Variants in MALRD1 observed in about 807,000 individuals in gnomAD.
The protein encoded by MALRD1 is MAM and LDL-receptor class A domain-containing protein 1.
A neutral mutation model predicts 242.1 loss-of-function variants in MALRD1; 247 were observed. That is an observed-to-expected ratio of 1.02 (90% CI 0.92 to 1.13). The LOEUF (loss-of-function observed/expected upper bound fraction) is 1.13, where lower values mean the gene tolerates loss of function less well. Among genes scored for constraint, MALRD1 ranks in the 50% most tolerant of loss-of-function variants. The pLI is 0.00. For synonymous variants in MALRD1, 995 were observed against 866.6 expected (o/e 1.15, Z -2.60); for missense variants, 2,989 against 2,533.1 (o/e 1.18, Z -3.86).
intron 26 of MALRD1, among the ~76,000 whole-genome samples, chr10:19,353,868 T>TTTTG (rs532642522): frequency 0.044 from 6,743 of 151,790 alleles, 257 homozygotes; most frequent in African/African-American, 0.11. Context: ...TTTCTGGTGG[T>TTTTG]TTTGTTTGTT....
At chr10:19,223,192 T>C (rs1232497612) in intron 18 of MALRD1, among the ~76,000 whole-genome samples, 1 of 152,164 alleles carries the variant, frequency 6.6e-6, no homozygotes, top group Non-Finnish European at 1.5e-5. Flanking sequence ...AGTTGATTAT[T>C]ATTCGAGGGC....
rs150355180 is a variant in MALRD1, at chr10:19,434,703, G to A, written c.4846-15604G>A. Reference sequence around the variant, plus strand: ...ATTTTAATACCAGAAAACCATCTACGTAGCTTGAAATATTTTTATGTTCTA... The same window carrying A: ...ATTTTAATACCAGAAAACCATCTACATAGCTTGAAATATTTTTATGTTCTA... On this transcript the variant is annotated intron_variant, in intron 28 of 39. Coordinates refer to ENST00000454679, the MANE Select transcript of MALRD1 (RefSeq NM_001142308.3). 4.2e-3 allele frequency among the ~76,000 whole-genome samples: 640 copies of A among 151,770 alleles called. 2 individuals carry two copies. The highest frequency in any genetic ancestry group is 0.015 in the African/African-American group (603 of 41,404).
chr10:19,719,659 G>C (rs1834649005), intron 38 of MALRD1, among the ~76,000 whole-genome samples: 2 of 152,002 alleles, frequency 1.3e-5, no homozygotes, highest in African/African-American at 4.8e-5. Context: ...TGCGTTTTGT[G>C]GCATTTCTGG....
intron 28 of MALRD1, among the ~76,000 whole-genome samples, chr10:19,428,651 T>C (rs956767780): frequency 2.0e-5 from 3 of 151,716 alleles, no homozygotes; most frequent in African/African-American, 4.9e-5. Flanking sequence ...CACACCCCTA[T>C]CCAGAAACTC....
intron 31 of MALRD1, among the ~76,000 whole-genome samples, chr10:19,503,733 C>T (rs981671843): frequency 1.9e-4 from 29 of 152,170 alleles, no homozygotes; most frequent in African/African-American, 6.5e-4. Flanking sequence ...GCTATTGTTA[C>T]GTCTCCTCTA....
intron 38 of MALRD1, among the ~76,000 whole-genome samples, chr10:19,719,820 C>T (rs1343731534): frequency 6.6e-6 from 1 of 151,470 alleles, no homozygotes; most frequent in Non-Finnish European, 1.5e-5. Flanking sequence ...TTTCTTTCTT[C>T]CTTTTCCTCC....
chr10:19,328,972 C>CT (rs2130913163), intron 23 of MALRD1, among the ~76,000 whole-genome samples: 1 of 152,290 alleles, frequency 6.6e-6, no homozygotes, highest in South Asian at 2.1e-4. Flanking sequence ...GAAGTCTTAA[C>CT]TAGTTCTGTG....
At chr10:19,137,883 T>G (rs1263172329) in intron 10 of MALRD1, among the ~76,000 whole-genome samples, 2 of 152,214 alleles carry the variant, frequency 1.3e-5, no homozygotes, top group South Asian at 2.1e-4. Context: ...GAATCCAATT[T>G]CTGTATCACA....
intron 38 of MALRD1, chr10:19,725,101 C>T (rs536063161): frequency 6.6e-6 from 1 of 152,122 alleles, no homozygotes; most frequent in Non-Finnish European, 1.5e-5. Flanking sequence ...GAATGACACA[C>T]TAAGTTCATG....
chr10:19,342,375 T>G (rs547724818), intron 24 of MALRD1, among the ~76,000 whole-genome samples: 1 of 152,296 alleles, frequency 6.6e-6, no homozygotes, highest in African/African-American at 2.4e-5. Context: ...CCTTTTCATT[T>G]GTTTATTTGG....
In MALRD1 at chr10:19,352,092, A is replaced by G. The variant is rs1246757757; in HGVS notation, c.4236A>G (p.Leu1412=). 1.3e-6 allele frequency: 2 copies of G among 1,550,348 alleles called. No individual in the cohort carries two copies. Among genetic ancestry groups the G allele is most frequent in the Admixed American group, 2.0e-5 (1 of 50,978 alleles). ...QVSVTNQTKV[L]LNLTVEQGNF... ...CAGTCACAAACCAAACGAAGGTTCT[A>G]CTTAACCTCACTGTAGAACAAGGCA... Residue 1412 remains leucine, a synonymous_variant, in exon 26 of 40, where the codon CTA becomes CTG. Transcript: ENST00000454679.
chr10:19,458,585 T>C (rs1163548112), intron 29 of MALRD1, among the ~76,000 whole-genome samples: 4 of 152,204 alleles, frequency 2.6e-5, no homozygotes, highest in Non-Finnish European at 5.9e-5. Context: ...ATATTTACTC[T>C]TTGAATGACA....
chr10:19,108,160 TCACATAGG>T (rs1836536936), intron 5 of MALRD1, among the ~76,000 whole-genome samples: 1 of 152,122 alleles, frequency 6.6e-6, no homozygotes. Context: ...TTCCCATAGG[TCACATAGG>T]CTTTGCTTGC....
chr10:19,234,658 A>G (rs757922108), intron 18 of MALRD1, among the ~76,000 whole-genome samples: 12 of 152,136 alleles, frequency 7.9e-5, no homozygotes, highest in South Asian at 2.1e-4. Flanking sequence ...ATTCATGTCT[A>G]TTGGTATAGA....
intron 14 of MALRD1, among the ~76,000 whole-genome samples, chr10:19,201,548 C>G (rs1836543184): frequency 6.6e-6 from 1 of 152,096 alleles, no homozygotes; most frequent in Admixed American, 6.5e-5. Flanking sequence ...AACAATAACT[C>G]CTAGATCCAG....
chr10:19,715,839 C>T (rs142923569), intron 38 of MALRD1, among the ~76,000 whole-genome samples: 1 of 152,168 alleles, frequency 6.6e-6, no homozygotes, highest in Non-Finnish European at 1.5e-5. Context: ...GTGCCATGCT[C>T]TTGTAAACAA....
At chr10:19,189,742 AC>A (rs1835893742) in intron 14 of MALRD1, among the ~76,000 whole-genome samples, 1 of 152,080 alleles carries the variant, frequency 6.6e-6, no homozygotes, top group African/African-American at 2.4e-5. Flanking sequence ...GCAGAAAAAA[AC>A]ATTTGATACA....
intron 28 of MALRD1, among the ~76,000 whole-genome samples, chr10:19,413,965 C>CAAA (rs61376344): frequency 2.2e-5 from 3 of 133,758 alleles, no homozygotes. Flanking sequence ...AAACAAAAAC[C>CAAA]AAAAAAAAAA....
chr10:19,111,123 G>A (rs1322417695), intron 5 of MALRD1, among the ~76,000 whole-genome samples: 1 of 148,110 alleles, frequency 6.8e-6, no homozygotes, highest in African/African-American at 2.5e-5. Context: ...TATATACTGG[G>A]ACAAAGACCA....
Sources: allele counts gnomAD v4.1 joint callset (sites outside exome capture counted in the v4.1 genomes callset), GRCh38; gene constraint gnomAD v4.1.1; transcripts MANE v1.5; gene names NCBI Gene and HGNC (gene_info 2026-07-23, HGNC 2026-07-21).